CACNA1B: variants seen among roughly 807,000 people sequenced by gnomAD.
The protein encoded by CACNA1B is voltage-dependent N-type calcium channel subunit alpha-1B.
Under a neutral mutation model 247.2 loss-of-function variants are expected in CACNA1B, and 70 were observed. The observed-to-expected ratio is 0.28, with a 90% CI of 0.23 to 0.35. CACNA1B has a LOEUF of 0.35. CACNA1B is among the 10% of genes least tolerant of loss of function. CACNA1B has a pLI of 1.00. For missense variants in CACNA1B, 2,367 were observed against 3,197.4 expected, an observed-to-expected ratio of 0.74 and a Z score of 6.26; for synonymous variants, 1,231 against 1,294.4, an observed-to-expected ratio of 0.95 and a Z score of 1.05.
In CACNA1B at chr9:138,116,064, C is replaced by T. The variant is rs111867725; in HGVS notation, c.5777+385C>T. Among the ~76,000 whole-genome samples the T allele has an allele frequency of 3.9e-3, 596 of 152,362 alleles. 11 individuals are homozygous for T. Among genetic ancestry groups the T allele is most frequent in the African/African-American group, 0.013 (557 of 41,580 alleles). ...CTTCCTAACAGCACTTAGACCACCA[C>T]GTCCCATTCCCAACACACGCACCTG... is the stretch of plus-strand genomic sequence containing the variant. On this transcript the variant is annotated intron_variant, in intron 42 of 46. Transcript: ENST00000371372.
chr9:137,960,758 C>A (rs1958012263), intron 10 of CACNA1B, among the ~76,000 whole-genome samples: 2 of 151,992 alleles, frequency 1.3e-5, no homozygotes, highest in Non-Finnish European at 2.9e-5. Context: ...GGACCCCAGG[C>A]CGCCCTGGTG....
intron 36 of CACNA1B, among the ~76,000 whole-genome samples, chr9:138,086,692 A>G (rs1003204039): frequency 1.3e-5 from 2 of 151,398 alleles, no homozygotes; most frequent in Non-Finnish European, 2.9e-5. Context: ...AGAGAGATAG[A>G]TTCCAGCACA....
intron 2 of CACNA1B, among the ~76,000 whole-genome samples, chr9:137,879,997 G>A (rs1956894849): frequency 6.6e-6 from 1 of 152,220 alleles, no homozygotes; most frequent in Non-Finnish European, 1.5e-5. Context: ...GGGGGCCCAG[G>A]GGGTGCGGGG....
rs993187928 is a variant in CACNA1B, at chr9:137,990,052, A to G, written c.1974+3198A>G. ...ACCACGGGAAGTTCTTGGAACTACC[A>G]CAGGCAAGTTCTCAGCCCTGGGCAC... On this transcript the variant is annotated intron_variant, in intron 15 of 46. Transcript: ENST00000371372. This position sits in a 1 kb window ranked among gnomAD's most constrained non-coding sequence, Gnocchi z 4.5. Among the ~76,000 whole-genome samples the G allele has an allele frequency of 6.6e-6, 1 of 152,068 alleles. No homozygotes were observed. The highest frequency in any genetic ancestry group is 2.4e-5 in the African/African-American group (1 of 41,414).
chr9:138,121,417 C>CTTT lies in CACNA1B; in HGVS notation c.6490-36_6490-34dup, dbSNP rs35987844. The CTTT allele has an allele frequency of 4.4e-4, 379 of 866,350 alleles. No individual in the cohort carries two copies. Among genetic ancestry groups the CTTT allele is most frequent in the Middle Eastern group, 1.1e-3 (4 of 3,538 alleles). 53.7% of individuals were successfully genotyped at this position (866,350 alleles called of 1,614,324 possible). A position where few individuals can be genotyped will look rare whatever the true frequency, so the allele number is the denominator to read the frequency against. ...TGATGTGCTCTGTCTGTTGGTTCGG[C>CTTT]TTTTTTTTTTTTTTTTTTACCTCTG... On this transcript the variant is annotated intron_variant, in intron 46 of 46. Transcript: ENST00000371372. The surrounding 1 kb of genome is among the most constrained non-coding windows in gnomAD (Gnocchi z 6.8).
intron 6 of CACNA1B, among the ~76,000 whole-genome samples, chr9:137,942,657 G>C (rs1401538176): frequency 2.0e-5 from 3 of 152,202 alleles, no homozygotes; most frequent in Non-Finnish European, 1.5e-5. Context: ...GAATGAATTA[G>C]TGGCATTCAC....
rs1250637643 is a variant in CACNA1B, at chr9:138,050,626, A to G, written c.3710+1311A>G. Among the ~76,000 whole-genome samples, 1 of 152,164 alleles carries G rather than the reference A, an allele frequency of 6.6e-6. No individual in the cohort carries two copies. Among genetic ancestry groups the G allele is most frequent in the African/African-American group, 2.4e-5 (1 of 41,440 alleles). ...GGGTCCCCCAGTCAGGAGGAGGGGA[A>G]GGGGTTGGGCCCATCCAGGCGGCTT... is the stretch of plus-strand genomic sequence containing the variant. On this transcript the variant is annotated intron_variant, in intron 24 of 46. Coordinates refer to ENST00000371372, the MANE Select transcript of CACNA1B (RefSeq NM_000718.4). The surrounding 1 kb of genome is among the most constrained non-coding windows in gnomAD (Gnocchi z 5.2).
intron 15 of CACNA1B, among the ~76,000 whole-genome samples, chr9:137,999,310 G>A (rs1025631995): frequency 5.3e-5 from 8 of 152,102 alleles, no homozygotes; most frequent in East Asian, 1.9e-4. Context: ...AGCAGGCACC[G>A]TTAATGAAAA....
intron 6 of CACNA1B, among the ~76,000 whole-genome samples, chr9:137,942,684 T>C (rs550064080): frequency 6.6e-6 from 1 of 152,300 alleles, no homozygotes; most frequent in East Asian, 1.9e-4. Context: ...CTTGATGAGA[T>C]TGGGACTATT....
chr9:138,099,267 C>T lies in CACNA1B; in HGVS notation c.5222+2656C>T, dbSNP rs117497382. Among the ~76,000 whole-genome samples the T allele has an allele frequency of 4.5e-4, 69 of 152,338 alleles. 1 individual carries two copies. In the East Asian group the frequency reaches 0.013, roughly 28 times the overall value. On this transcript the variant is annotated intron_variant, in intron 37 of 46. Transcript: ENST00000371372. Reference sequence around the variant, plus strand: ...CAGATGTCTACATGTGTGTTTTGTGCACATGTGCATGCACAAGGCGCGCAC... The same window carrying T: ...CAGATGTCTACATGTGTGTTTTGTGTACATGTGCATGCACAAGGCGCGCAC...
chr9:137,932,635 C>A (rs1957620919), intron 6 of CACNA1B, among the ~76,000 whole-genome samples: 1 of 152,158 alleles, frequency 6.6e-6, no homozygotes, highest in African/African-American at 2.4e-5. Context: ...TGTCCAGTAA[C>A]AATCACCCAG....
intron 26 of CACNA1B, among the ~76,000 whole-genome samples, chr9:138,056,718 T>C (rs745495961): frequency 6.6e-6 from 1 of 152,228 alleles, no homozygotes; most frequent in Non-Finnish European, 1.5e-5. Context: ...ATTCCCCATA[T>C]CCTTGCCAAC....
At chr9:137,960,311 CG>C (rs1176123014) in intron 10 of CACNA1B, among the ~76,000 whole-genome samples, 2 of 121,006 alleles carry the variant, frequency 1.7e-5, no homozygotes, top group African/African-American at 3.1e-5. Context: ...CTGAGGGACA[CG>C]GGGCGTGGGG....
intron 25 of CACNA1B, 36 bp from the exon 26 acceptor site, chr9:138,053,810 C>T (rs1450969406): frequency 1.3e-6 from 2 of 1,575,990 alleles, no homozygotes; most frequent in East Asian, 2.2e-5. Context: ...ACCATGATTC[C>T]ACCCCCTCAT....
chr9:137,975,303 G>A (rs947129524), intron 11 of CACNA1B, among the ~76,000 whole-genome samples: 4 of 152,178 alleles, frequency 2.6e-5, no homozygotes, highest in South Asian at 2.1e-4. Flanking sequence ...TGGCAGCCTC[G>A]TGCTGGAGAG....
At position 137,957,431 on chromosome 9, in the gene CACNA1B, G is replaced by A. The variant is rs894010790; in HGVS notation, c.1244-167G>A. Among the ~76,000 whole-genome samples the A allele has an allele frequency of 6.6e-6, 1 of 152,202 alleles. No individual in the cohort carries two copies. The highest frequency in any genetic ancestry group is 1.5e-5 in the Non-Finnish European group (1 of 68,032). ...CCTTGTCCCTTCAGCTCTGGGGACTGGGAGGGACCCAAGGGGGCCCACAAT... is the reference window on the plus strand; with the variant it reads ...CCTTGTCCCTTCAGCTCTGGGGACTAGGAGGGACCCAAGGGGGCCCACAAT... On this transcript the variant is annotated intron_variant, in intron 9 of 46. Coordinates refer to ENST00000371372, the MANE Select transcript of CACNA1B (RefSeq NM_000718.4). This position sits in a 1 kb window ranked among gnomAD's most constrained non-coding sequence, Gnocchi z 4.7.
chr9:137,987,069 A>C (rs564996815), intron 15 of CACNA1B, among the ~76,000 whole-genome samples: 43 of 152,314 alleles, frequency 2.8e-4, no homozygotes, highest in African/African-American at 9.6e-4. Flanking sequence ...CGGTGAAGGA[A>C]GCTGGATTCT....
chr9:138,047,687 C>T (rs935162997), intron 23 of CACNA1B, among the ~76,000 whole-genome samples: 1 of 152,224 alleles, frequency 6.6e-6, no homozygotes, highest in Non-Finnish European at 1.5e-5. Context: ...CAGTGTCGTG[C>T]CTGGGCCTCC....
In CACNA1B at chr9:137,954,836, C is replaced by G. The variant is rs925649794; in HGVS notation, c.1071-862C>G. On this transcript the variant is annotated intron_variant, in intron 7 of 46. Coordinates refer to ENST00000371372, the MANE Select transcript of CACNA1B (RefSeq NM_000718.4). The surrounding 1 kb of genome is among the most constrained non-coding windows in gnomAD (Gnocchi z 4.1). ...TGCTGGGAGTCATACCTGCCACACCCACTCCACCAACTCAGAAGCTTGTGT... is the reference window on the plus strand; with the variant it reads ...TGCTGGGAGTCATACCTGCCACACCGACTCCACCAACTCAGAAGCTTGTGT... Among the ~76,000 whole-genome samples, 3 of 120,742 alleles carry G rather than the reference C, an allele frequency of 2.5e-5. No individual in the cohort carries two copies. Among genetic ancestry groups the G allele is most frequent in the African/African-American group, 4.1e-5 (1 of 24,318 alleles). 79.2% of individuals were successfully genotyped at this position (120,742 alleles called of 152,430 possible).
Sources: gnomAD v4.1 joint callset for allele counts (sites outside exome capture counted in the v4.1 genomes callset) on GRCh38, gnomAD v4.1.1 for gene constraint, Gnocchi (gnomAD v3.1) non-coding constraint, MANE v1.5 for transcripts, NCBI Gene and HGNC (gene_info 2026-07-23, HGNC 2026-07-21) for gene names.